Variants in DNAH14 observed in about 807,000 individuals in gnomAD.
The protein encoded by DNAH14 is axonemal beta dynein heavy chain 14.
DNAH14 carries 478 observed loss-of-function variants against 520.9 expected under a neutral mutation model. The ratio of observed to expected loss-of-function variants is 0.92; its 90% CI spans 0.85 to 0.99. DNAH14 has a LOEUF of 0.99. Among genes scored for constraint, DNAH14 ranks in the 50% least tolerant of loss-of-function variants. The probability of loss-of-function intolerance (pLI) is 0.00; values close to 1 mark genes in which losing one functional copy is unlikely to be tolerated. For synonymous variants in DNAH14, 1,581 were observed against 1,757.2 expected (o/e 0.90, Z 2.51); for missense variants, 4,831 against 5,234.5 (o/e 0.92, Z 2.38).
chr1:225,023,651 T>G lies in DNAH14; in HGVS notation c.1144T>G (p.Ser382Ala). The change falls in exon 11 of 86, where the codon TCA becomes GCA. Residue 382 changes from serine (S) to alanine (A), a missense_variant. Physicochemically the swap from Ser to Ala is moderately conservative, Grantham distance 99. Transcript: ENST00000682510. ...EKNEIKEYFESKLSEDDTTHF... is the reference protein window; with the variant it reads ...EKNEIKEYFEAKLSEDDTTHF... Reference sequence around the variant, plus strand: ...GAATGAAATCAAAGAGTATTTTGAGTCAAAACTCTCTGAAGATGACACAAC... The same window carrying G: ...GAATGAAATCAAAGAGTATTTTGAGGCAAAACTCTCTGAAGATGACACAAC... The G allele has an allele frequency of 6.5e-7, 1 of 1,545,528 alleles. No homozygotes were observed. Among genetic ancestry groups the G allele is most frequent in the Non-Finnish European group, 8.7e-7 (1 of 1,143,374 alleles).
chr1:224,969,010 C>T (rs16858932), intron 7 of DNAH14, 136 bp downstream of exon 7: 32,390 of 558,098 alleles, frequency 0.058, 1,867 homozygotes, highest in East Asian at 0.24. Flanking sequence ...AAATTTTTTA[C>T]GGAACACCCC....
chr1:225,056,063 C>G (rs960391942), intron 17 of DNAH14, among the ~76,000 whole-genome samples: 7 of 151,676 alleles, frequency 4.6e-5, no homozygotes, highest in Non-Finnish European at 1.5e-5. Flanking sequence ...TAATGGGATG[C>G]CTGGGTCAAA....
intron 36 of DNAH14, among the ~76,000 whole-genome samples, chr1:225,183,651 C>T (rs2084315532): frequency 7.7e-6 from 1 of 130,480 alleles, no homozygotes; most frequent in Non-Finnish European, 1.6e-5. Flanking sequence ...TTTGAAAGGA[C>T]AAACAAGATC....
intron 20 of DNAH14, among the ~76,000 whole-genome samples, chr1:225,084,531 G>T (rs1027158614): frequency 2.0e-5 from 3 of 152,012 alleles, no homozygotes; most frequent in East Asian, 1.9e-4. Context: ...AAGATGTTGT[G>T]CAGGCTCTGA....
chr1:225,366,708 T>C (rs1298279728), intron 76 of DNAH14, among the ~76,000 whole-genome samples: 2 of 152,172 alleles, frequency 1.3e-5, no homozygotes, highest in Non-Finnish European at 2.9e-5. Context: ...TCAGAGAAGC[T>C]TGTCTTCCAT....
Position 225,247,401 on chromosome 1 carries a change from AT to A in DNAH14, c.6749-4899del, listed in dbSNP as rs981643310. 5.9e-5 allele frequency among the ~76,000 whole-genome samples: 9 copies of A among 152,166 alleles called. No homozygotes were observed. In the South Asian group the frequency reaches 1.2e-3, roughly 21 times the overall value. On this transcript the variant is annotated intron_variant, in intron 43 of 85. Coordinates refer to ENST00000682510, the MANE Select transcript of DNAH14 (RefSeq NM_001367479.1). ...CAGAACTTAAAGAATAATAAAAAAAATAAGTAAATAAAAAGAAATTCAATAG... is the reference window on the plus strand; with the variant it reads ...CAGAACTTAAAGAATAATAAAAAAAAAAGTAAATAAAAAGAAATTCAATAG...
At chr1:224,974,070 A>G in intron 7 of DNAH14, 21 bp from the exon 8 acceptor site, 1 of 1,465,928 alleles carries the variant, frequency 6.8e-7, no homozygotes, top group Non-Finnish European at 9.1e-7. Flanking sequence ...TATGGAATAT[A>G]AGAAGCATTT....
rs752725054 is a variant in DNAH14 at position 225,348,206 on chromosome 1, A to C, written c.11296+1552A>C. 3.9e-5 allele frequency among the ~76,000 whole-genome samples: 6 copies of C among 152,256 alleles called. No individual in the cohort carries two copies. The East Asian group carries it at 1.2e-3, about 29-fold the overall frequency. ...CAAAGAAAATAAAAAATTAAAAAGC[A>C]AAGAGATCCTAAGAGACTTATAGGA... On this transcript the variant is annotated intron_variant, in intron 71 of 85. Coordinates refer to ENST00000682510, the MANE Select transcript of DNAH14 (RefSeq NM_001367479.1).
intron 21 of DNAH14, among the ~76,000 whole-genome samples, chr1:225,092,865 C>G (rs181604801): frequency 1.9e-4 from 29 of 152,166 alleles, no homozygotes; most frequent in Non-Finnish European, 1.0e-4. Context: ...GACAGAAATA[C>G]AAGAAACCTT....
chr1:225,273,304 C>A (rs1008071250), intron 52 of DNAH14, among the ~76,000 whole-genome samples, 179 bp downstream of exon 52: 4 of 152,086 alleles, frequency 2.6e-5, no homozygotes, highest in Admixed American at 2.0e-4. Flanking sequence ...TGGTGATGGG[C>A]GCCTGTAGTC....
intron 22 of DNAH14, among the ~76,000 whole-genome samples, chr1:225,099,610 T>C (rs1295231601): frequency 6.6e-6 from 1 of 152,164 alleles, no homozygotes; most frequent in Non-Finnish European, 1.5e-5. Context: ...TGAGAAATCC[T>C]GACAGACATA....
chr1:225,250,745 G>A lies in DNAH14; in HGVS notation c.6749-1556G>A, dbSNP rs868173214. The A allele has an allele frequency of 1.4e-5, 7 of 496,578 alleles. No individual in the cohort carries two copies. The East Asian group carries it at 2.4e-4, about 17-fold the overall frequency. The allele number at this position is 496,578 out of a possible 1,614,324, so 30.8% of individuals were successfully genotyped here. A position where few individuals can be genotyped will look rare whatever the true frequency, so the allele number is the denominator to read the frequency against. On this transcript the variant is annotated intron_variant, in intron 43 of 85. Transcript: ENST00000682510. The stretch of plus-strand genomic sequence containing the variant: ...ATTGTGGTTTCTGCAGGAAGGAATG[G>A]GCAAAGCAGTGTAAATGGGCTTGGG...
intron 11 of DNAH14, among the ~76,000 whole-genome samples, chr1:225,026,277 T>A (rs1337926750): frequency 6.6e-6 from 1 of 151,910 alleles, no homozygotes; most frequent in Non-Finnish European, 1.5e-5. Context: ...TATTTTTATT[T>A]AATTTAACTT....
chr1:225,031,678 C>T (rs1420763872), intron 11 of DNAH14, among the ~76,000 whole-genome samples: 1 of 24,338 alleles, frequency 4.1e-5, no homozygotes, highest in Non-Finnish European at 3.0e-3. Context: ...CATGGTACTG[C>T]TAAAACTTTA....
At chr1:225,085,870 G>T (rs1203991265) in intron 21 of DNAH14, 81 bp downstream of exon 21, 2 of 1,372,566 alleles carry the variant, frequency 1.5e-6, no homozygotes, top group Non-Finnish European at 9.6e-7. Context: ...TCTACAGTTT[G>T]CCTTTGAATT....
intron 36 of DNAH14, among the ~76,000 whole-genome samples, chr1:225,168,602 G>T (rs2082279973): frequency 6.6e-6 from 1 of 152,236 alleles, no homozygotes; most frequent in African/African-American, 2.4e-5. Flanking sequence ...GAGGCTGGAG[G>T]AGGGGCGCCT....
chr1:225,006,057 C>A (rs759821046), intron 9 of DNAH14, among the ~76,000 whole-genome samples: 1 of 152,104 alleles, frequency 6.6e-6, no homozygotes, highest in Non-Finnish European at 1.5e-5. Flanking sequence ...TATTAGTTCC[C>A]CAGATAAATA....
intron 12 of DNAH14, among the ~76,000 whole-genome samples, chr1:225,041,020 G>A (rs573515660): frequency 4.4e-4 from 67 of 152,288 alleles, no homozygotes; most frequent in African/African-American, 1.3e-3. Flanking sequence ...TAAGATTCAC[G>A]CATCTATTTC....
At position 225,085,184 on chromosome 1, in the gene DNAH14, A is replaced by T. The variant is rs901311380; in HGVS notation, c.3328-360A>T. On this transcript the variant is annotated intron_variant, in intron 20 of 85. Coordinates refer to ENST00000682510, the MANE Select transcript of DNAH14 (RefSeq NM_001367479.1). ...ATCTACCAGGGATAAAACAATAAGT[A>T]AAAGCGTGTCACAAAGTAATTAAGC... 2.6e-5 allele frequency among the ~76,000 whole-genome samples: 4 copies of T among 152,160 alleles called. No individual in the cohort carries two copies. In the South Asian group the frequency reaches 6.2e-4, roughly 24 times the overall value.
Sources: gnomAD v4.1 joint callset for allele counts (sites outside exome capture counted in the v4.1 genomes callset) on GRCh38, gnomAD v4.1.1 for gene constraint, MANE v1.5 for transcripts, NCBI Gene and HGNC (gene_info 2026-07-23, HGNC 2026-07-21) for gene names.